The following ZNF536 variants were observed in gnomAD, a reference collection of about 807,000 sequenced individuals.
The protein encoded by ZNF536 is zinc finger protein 536.
Under a neutral mutation model 84.5 loss-of-function variants are expected in ZNF536, and 13 were observed. That is an observed-to-expected ratio of 0.15 (90% CI 0.10 to 0.24). The LOEUF is 0.24. Ranked by LOEUF, ZNF536 falls within the 10% of genes least tolerant of loss-of-function variation. The pLI, the probability that ZNF536 is intolerant of heterozygous loss-of-function variation, is 1.00. For synonymous variants in ZNF536, 811 were observed against 742.5 expected (o/e 1.09, Z -1.50); for missense variants, 1,536 against 1,747.5 (o/e 0.88, Z 2.16).
intron 1 of ZNF536, among the ~76,000 whole-genome samples, chr19:30,373,033 A>G (rs1358017368): frequency 6.6e-6 from 1 of 152,182 alleles, no homozygotes; most frequent in Non-Finnish European, 1.5e-5. Context: ...AAAAATTACC[A>G]TACCACACAA....
chr19:30,359,151 G>A (rs1015812701), intron 3 of ZNF536, among the ~76,000 whole-genome samples: 11 of 152,108 alleles, frequency 7.2e-5, no homozygotes, highest in South Asian at 2.1e-4. Context: ...TTAAAAATTT[G>A]TCTCTGTTGT....
At position 30,557,201 on chromosome 19, in the gene ZNF536, T is replaced by C. The variant is rs2146373676; in HGVS notation, c.*37T>C. 1.2e-6 allele frequency: 2 copies of C among 1,612,954 alleles called. No homozygotes were observed. The highest frequency in any genetic ancestry group is 1.7e-6 in the Non-Finnish European group (2 of 1,179,258). ...CTAGTCGGTCTATCTGGACTTGCCCTTGTCTGTTCGTGGTCCTCGGTGGTT... is the reference window on the plus strand; with the variant it reads ...CTAGTCGGTCTATCTGGACTTGCCCCTGTCTGTTCGTGGTCCTCGGTGGTT... On this transcript the variant is annotated 3_prime_UTR_variant, in exon 5 of 5. Transcript: ENST00000355537.
chr19:30,565,320 G>C (rs565993397), intron 1 of ZNF536, among the ~76,000 whole-genome samples: 1 of 152,194 alleles, frequency 6.6e-6, no homozygotes, highest in Non-Finnish European at 1.5e-5. Flanking sequence ...CCCGGGGAGA[G>C]AGCATGTTGC....
chr19:30,482,243 T>C (rs2054120654), intron 2 of ZNF536, among the ~76,000 whole-genome samples: 1 of 152,228 alleles, frequency 6.6e-6, no homozygotes, highest in Non-Finnish European at 1.5e-5. Context: ...CTTTCAGTTC[T>C]TTAAGGAATC....
intron 2 of ZNF536, among the ~76,000 whole-genome samples, chr19:30,457,098 G>T (rs577556453): frequency 2.0e-4 from 31 of 151,614 alleles, no homozygotes; most frequent in African/African-American, 6.3e-4. Context: ...GTGTCTGGAA[G>T]CCCACAGCCT....
At chr19:30,502,683 G>A (rs190507636) in intron 2 of ZNF536, among the ~76,000 whole-genome samples, 119 of 152,274 alleles carry the variant, frequency 7.8e-4, no homozygotes, top group Non-Finnish European at 1.3e-3. Flanking sequence ...GTCCTGAGAT[G>A]CCTCTATTGC....
At chr19:30,404,907 C>T (rs902335009) in intron 1 of ZNF536, among the ~76,000 whole-genome samples, 3 of 152,192 alleles carry the variant, frequency 2.0e-5, no homozygotes, top group Non-Finnish European at 2.9e-5. Flanking sequence ...ACAGGCTTCA[C>T]GTTGGGGTTC....
intron 1 of ZNF536, among the ~76,000 whole-genome samples, chr19:30,278,263 G>A (rs910076520): frequency 1.3e-5 from 2 of 152,190 alleles, no homozygotes; most frequent in African/African-American, 4.8e-5. Flanking sequence ...CCCAGGGAAA[G>A]GCAAGGCAAG....
intron 3 of ZNF536, among the ~76,000 whole-genome samples, chr19:30,544,519 T>C (rs575062594): frequency 5.9e-5 from 9 of 152,302 alleles, no homozygotes; most frequent in African/African-American, 1.4e-4. Context: ...TATCTTCCTG[T>C]GCACTCGCAT....
At chr19:30,471,104 C>A (rs191326304) in intron 2 of ZNF536, among the ~76,000 whole-genome samples, 1 of 151,802 alleles carries the variant, frequency 6.6e-6, no homozygotes, top group Non-Finnish European at 1.5e-5. Context: ...TACAGGTGTA[C>A]GCCACCAGGC....
rs1338079272 is a variant in ZNF536, at chr19:30,549,529, C to T, written c.3895+15C>T. The T allele has an allele frequency of 6.7e-7, 1 of 1,502,486 alleles. No individual in the cohort carries two copies. Among genetic ancestry groups the T allele is most frequent in the Non-Finnish European group, 8.9e-7 (1 of 1,126,488 alleles). The allele number at this position is 1,502,486 out of a possible 1,614,324, so 93.1% of individuals were successfully genotyped here. ...AGACTTGTGTGGTAAGTTTTAGAAT[C>T]CTCTTCCTATAGTTCATTTCCCAAA... On this transcript the variant is annotated intron_variant, in intron 4 of 4. Transcript: ENST00000355537.
chr19:30,287,430 G>A (rs1429692233), intron 2 of ZNF536, among the ~76,000 whole-genome samples: 8 of 151,516 alleles, frequency 5.3e-5, no homozygotes, highest in Non-Finnish European at 1.0e-4. Context: ...TGAATAGACG[G>A]ATGGATGGGT....
At chr19:30,662,443 A>G (rs569710300) in intron 1 of ZNF536, among the ~76,000 whole-genome samples, 4 of 152,330 alleles carry the variant, frequency 2.6e-5, no homozygotes, top group Admixed American at 2.6e-4. Context: ...TTGCTCCCAT[A>G]AAGGGCAGAA....
Position 30,681,683 on chromosome 19 carries a change from C to T in ZNF536, c.170-29074C>T, listed in dbSNP as rs138481175. Among the ~76,000 whole-genome samples, 13 of 152,306 alleles carry T rather than the reference C, an allele frequency of 8.5e-5. No individual in the cohort carries two copies. In the East Asian group the frequency reaches 1.9e-3, roughly 23 times the overall value. Reference sequence around the variant, plus strand: ...TCATAATTTGGATTCTAGGAAGCCACGCTGCAGACTGGTTTACCAGGCGGG... The same window carrying T: ...TCATAATTTGGATTCTAGGAAGCCATGCTGCAGACTGGTTTACCAGGCGGG... On this transcript the variant is annotated intron_variant, in intron 1 of 1. Coordinates refer to the ZNF536 transcript ENST00000592773.
intron 2 of ZNF536, among the ~76,000 whole-genome samples, chr19:30,457,741 G>A (rs150688946): frequency 4.5e-4 from 68 of 152,366 alleles, no homozygotes; most frequent in African/African-American, 1.6e-3. Flanking sequence ...GCTGGAGCGT[G>A]CAGAGAACCT....
intron 3 of ZNF536, among the ~76,000 whole-genome samples, chr19:30,536,488 A>G (rs2045087491): frequency 1.3e-5 from 2 of 152,158 alleles, no homozygotes; most frequent in African/African-American, 2.4e-5. Flanking sequence ...AGAGTCTAAG[A>G]TTTGCACAGG....
At chr19:30,623,687 G>C (rs957950609) in intron 1 of ZNF536, among the ~76,000 whole-genome samples, 3 of 152,188 alleles carry the variant, frequency 2.0e-5, no homozygotes, top group Non-Finnish European at 4.4e-5. Flanking sequence ...GCCTCCCTGA[G>C]TCCTCCTATT....
At chr19:30,700,220 CTTTCTTTCTT>C (rs2051865629) in intron 1 of ZNF536, among the ~76,000 whole-genome samples, 2 of 109,550 alleles carry the variant, frequency 1.8e-5, no homozygotes, top group African/African-American at 6.6e-5. Flanking sequence ...TTCCTTCTTT[CTTTCTTTCTT>C]TCTTTCTTTC....
At chr19:30,591,020 G>C (rs1042698937) in intron 1 of ZNF536, among the ~76,000 whole-genome samples, 1 of 152,224 alleles carries the variant, frequency 6.6e-6, no homozygotes, top group African/African-American at 2.4e-5. Flanking sequence ...GGTTGGGAGA[G>C]CCCAGCACAG....
Sources: allele counts gnomAD v4.1 joint callset (sites outside exome capture counted in the v4.1 genomes callset), GRCh38; gene constraint gnomAD v4.1.1; transcripts MANE v1.5; gene names NCBI Gene and HGNC (gene_info 2026-07-23, HGNC 2026-07-21).